Variants in PAK5 observed in about 807,000 individuals in gnomAD.
PAK5 encodes the protein p21 (RAC1) activated kinase 5.
PAK5 carries 16 observed loss-of-function variants against 65.9 expected under a neutral mutation model. The ratio of observed to expected loss-of-function variants is 0.24; its 90% CI spans 0.16 to 0.37. The LOEUF (loss-of-function observed/expected upper bound fraction) is 0.37. PAK5 is among the 10% of genes least tolerant of loss of function. PAK5 has a pLI of 1.00. For synonymous variants in PAK5, 371 were observed against 354.9 expected (o/e 1.05, Z -0.51); for missense variants, 785 against 903.9 (o/e 0.87, Z 1.69).
intron 1 of PAK5, among the ~76,000 whole-genome samples, chr20:9,731,382 C>A (rs1253865079): frequency 1.3e-5 from 2 of 152,174 alleles, no homozygotes; most frequent in Non-Finnish European, 2.9e-5. Flanking sequence ...CATTTTCACT[C>A]ATTTTTTTCA....
intron 7 of PAK5, among the ~76,000 whole-genome samples, chr20:9,554,166 T>A (rs1271579985): frequency 6.6e-6 from 1 of 152,208 alleles, no homozygotes; most frequent in Non-Finnish European, 1.5e-5. Context: ...ATTTTGCCTA[T>A]CCCATGAGCT....
chr20:9,712,198 A>G (rs1242675938), intron 1 of PAK5, among the ~76,000 whole-genome samples: 1 of 152,212 alleles, frequency 6.6e-6, no homozygotes, highest in East Asian at 1.9e-4. Context: ...AAGATATGAG[A>G]AGGTGAATCT....
At chr20:9,807,389 G>A (rs773508984) in intron 1 of PAK5, among the ~76,000 whole-genome samples, 27 of 152,124 alleles carry the variant, frequency 1.8e-4, no homozygotes, top group Non-Finnish European at 3.7e-4. Flanking sequence ...TGGCAAGAAA[G>A]CGAAGCACCC....
intron 4 of PAK5, among the ~76,000 whole-genome samples, chr20:9,574,159 G>A (rs1345794908): frequency 6.6e-6 from 1 of 152,160 alleles, no homozygotes; most frequent in Non-Finnish European, 1.5e-5. Context: ...ATAGAGACTG[G>A]CAATTAGGGG....
intron 1 of PAK5, among the ~76,000 whole-genome samples, chr20:9,822,204 G>T (rs940784331): frequency 2.7e-5 from 4 of 150,526 alleles, no homozygotes. Flanking sequence ...CTGAAGGATT[G>T]CCTGAACCCA....
At chr20:9,673,646 C>T (rs138615984) in intron 2 of PAK5, among the ~76,000 whole-genome samples, 2 of 152,222 alleles carry the variant, frequency 1.3e-5, no homozygotes, top group East Asian at 1.9e-4. Context: ...GATTTAATGG[C>T]AGTTTATCTG....
rs187139184 is a variant in PAK5, at chr20:9,651,141, C to A, written c.-11-6802G>T. ...CTGGATCTGAATCTGAGTCCTGCTACATTTATCAGTTCTGCATTCTTGGGC... is the reference window on the plus strand; with the variant it reads ...CTGGATCTGAATCTGAGTCCTGCTAAATTTATCAGTTCTGCATTCTTGGGC... On this transcript the variant is annotated intron_variant, in intron 2 of 9. Coordinates refer to ENST00000353224, the MANE Select transcript of PAK5 (RefSeq NM_177990.4). Among the ~76,000 whole-genome samples the A allele has an allele frequency of 1.4e-4, 21 of 152,298 alleles. No homozygotes were observed. The East Asian group carries it at 3.9e-3, about 28-fold the overall frequency.
intron 3 of PAK5, among the ~76,000 whole-genome samples, chr20:9,615,380 T>TAG (rs2046636782): frequency 6.6e-6 from 1 of 152,138 alleles, no homozygotes; most frequent in South Asian, 2.1e-4. Context: ...GCCACTTTGG[T>TAG]AGAGAATGTC....
At chr20:9,632,779 G>A (rs1049660949) in intron 3 of PAK5, among the ~76,000 whole-genome samples, 4 of 152,190 alleles carry the variant, frequency 2.6e-5, no homozygotes, top group African/African-American at 9.7e-5. Context: ...TAAGAAGGAA[G>A]CAATTTTGTT....
chr20:9,733,828 G>A (rs895017410), intron 1 of PAK5, among the ~76,000 whole-genome samples: 6 of 152,172 alleles, frequency 3.9e-5, no homozygotes, highest in African/African-American at 1.2e-4. Context: ...AAGAATTCAG[G>A]AAGTTTCTCT....
chr20:9,625,640 A>T (rs2046834214), intron 3 of PAK5, among the ~76,000 whole-genome samples: 1 of 152,046 alleles, frequency 6.6e-6, no homozygotes, highest in Non-Finnish European at 1.5e-5. Flanking sequence ...ATTCACAGGC[A>T]CCATCCTAGC....
At chr20:9,671,299 A>T (rs2047494271) in intron 2 of PAK5, among the ~76,000 whole-genome samples, 1 of 152,114 alleles carries the variant, frequency 6.6e-6, no homozygotes, top group Admixed American at 6.6e-5. Context: ...AGTTTTTTCC[A>T]ATTCTGTGAA....
chr20:9,588,431 A>G (rs1245926996), intron 3 of PAK5, among the ~76,000 whole-genome samples: 2 of 151,802 alleles, frequency 1.3e-5, no homozygotes, highest in East Asian at 3.9e-4. Flanking sequence ...CTATTAGCTC[A>G]GTGTTAATAA....
chr20:9,574,017 G>A (rs1358471593), intron 4 of PAK5, among the ~76,000 whole-genome samples: 1 of 152,168 alleles, frequency 6.6e-6, no homozygotes, highest in Non-Finnish European at 1.5e-5. Context: ...AGCATGGAAA[G>A]GACATCTTAA....
At chr20:9,828,124 C>A (rs555541195) in intron 1 of PAK5, among the ~76,000 whole-genome samples, 2 of 152,124 alleles carry the variant, frequency 1.3e-5, no homozygotes, top group Non-Finnish European at 2.9e-5. Context: ...CGTGAGCCAC[C>A]GCGCCCAGCC....
At chr20:9,679,245 C>T (rs1426957353) in intron 2 of PAK5, among the ~76,000 whole-genome samples, 1 of 152,150 alleles carries the variant, frequency 6.6e-6, no homozygotes, top group Non-Finnish European at 1.5e-5. Flanking sequence ...ATACACCATA[C>T]AAAATATGTG....
chr20:9,834,613 A>C (rs1243151825), intron 1 of PAK5, among the ~76,000 whole-genome samples: 2 of 152,158 alleles, frequency 1.3e-5, no homozygotes, highest in Non-Finnish European at 2.9e-5. Flanking sequence ...CTATTTCAAC[A>C]GATCAGAATA....
At chr20:9,577,506 AG>A (rs1283076257) in intron 4 of PAK5, 1 of 152,130 alleles carries the variant, frequency 6.6e-6, no homozygotes, top group East Asian at 1.9e-4. Flanking sequence ...AACATGACCC[AG>A]CCTCCTTTAG....
chr20:9,612,078 G>A (rs2046572075), intron 3 of PAK5, among the ~76,000 whole-genome samples: 1 of 152,066 alleles, frequency 6.6e-6, no homozygotes, highest in Non-Finnish European at 1.5e-5. Flanking sequence ...AGGGTGTCTG[G>A]CCCCCCATGG....
Sources: gnomAD v4.1 joint callset for allele counts (sites outside exome capture counted in the v4.1 genomes callset) on GRCh38, gnomAD v4.1.1 for gene constraint, MANE v1.5 for transcripts, NCBI Gene and HGNC (gene_info 2026-07-23, HGNC 2026-07-21) for gene names.